Variants in FANCB observed in about 807,000 individuals in gnomAD.
FANCB encodes the protein Fanconi anemia group B protein.
Under a neutral mutation model 38.9 loss-of-function variants are expected in FANCB, and 5 were observed. The observed-to-expected ratio is 0.13, with a 90% CI of 0.07 to 0.27. The LOEUF (loss-of-function observed/expected upper bound fraction) is 0.27, where lower values mean the gene tolerates loss of function less well. Ranked by LOEUF, FANCB falls within the 10% of genes least tolerant of loss-of-function variation. The pLI, the probability that FANCB is intolerant of heterozygous loss-of-function variation, is 1.00. For synonymous variants in FANCB, 236 were observed against 215.4 expected (o/e 1.10, Z -0.84); for missense variants, 573 against 602.7 (o/e 0.95, Z 0.52).
chrX:14,831,044 C>T (rs2092326424), downstream of FANCB, among the ~76,000 whole-genome samples: 1 of 112,109 alleles, frequency 8.9e-6, no homozygotes, highest in African/African-American at 3.2e-5. Context: ...TTTAAAATGA[C>T]ACTTGCCAAT....
chrX:14,746,223 TG>T, the FANCB span, among the ~76,000 whole-genome samples: 2 of 112,137 alleles, frequency 1.8e-5, no homozygotes, highest in East Asian at 5.6e-4. Context: ...TTCAAATGAT[TG>T]AATCTTGTCA....
At chrX:14,733,586 C>G in the FANCB span, among the ~76,000 whole-genome samples, 8 of 111,853 alleles carry the variant, frequency 7.2e-5, no homozygotes, top group African/African-American at 2.6e-4. Flanking sequence ...CTTCACATCC[C>G]TTGTAAGTTG....
chrX:14,863,307 G>A (rs1391042859), intron 3 of FANCB, among the ~76,000 whole-genome samples: 4 of 112,383 alleles, frequency 3.6e-5, no homozygotes, highest in African/African-American at 9.7e-5. Flanking sequence ...CTAATTAAAT[G>A]GATAGGGCAC....
chrX:14,850,731 TAAAAA>T, intron 6 of FANCB, 57 bp from the exon 7 acceptor site: 1 of 581,934 alleles, frequency 1.7e-6, no homozygotes, highest in East Asian at 4.0e-5. Flanking sequence ...GTAGCAAAAC[TAAAAA>T]AAAAAAAAAG....
In FANCB at chrX:14,859,269, T is replaced by C; in HGVS notation, c.1017A>G (p.Glu339=). ...LIDDFIGSGT[E]QVLLLFKDSL... ...AGTCCTTAAAAAGTAGGAGTACTTG[T>C]TCAGTTCCACTTCCAATAAAGTCAT... The change falls in exon 4 of 10, where the codon GAA becomes GAG. Residue 339 remains glutamate, a synonymous_variant. Transcript: ENST00000650831. 8.5e-7 allele frequency: 1 copy of C among 1,180,052 alleles called. No individual in the cohort carries two copies. The highest frequency in any genetic ancestry group is 1.2e-6 in the Non-Finnish European group (1 of 866,945).
At chrX:14,834,070 C>T (rs2092334664), downstream of FANCB, among the ~76,000 whole-genome samples, 1 of 111,764 alleles carries the variant, frequency 8.9e-6, no homozygotes, top group Non-Finnish European at 1.9e-5. Flanking sequence ...AGGCAAAACC[C>T]CCCTAAACCA....
chrX:14,730,519 C>G, the FANCB span: 1 of 988,601 alleles, frequency 1.0e-6, no homozygotes, highest in Non-Finnish European at 1.4e-6. Flanking sequence ...CTTCTTGCCT[C>G]AGTGTTGTGC....
At chrX:14,841,561 T>C (rs2092355057), downstream of FANCB, among the ~76,000 whole-genome samples, 1 of 112,056 alleles carries the variant, frequency 8.9e-6, no homozygotes, top group Admixed American at 9.4e-5. Context: ...GGGTCTACAG[T>C]TTTTGAAATA....
At chrX:14,705,788 G>C in the FANCB span, among the ~76,000 whole-genome samples, 1 of 111,749 alleles carries the variant, frequency 8.9e-6, no homozygotes, top group African/African-American at 3.3e-5. Flanking sequence ...TAATGAACAG[G>C]GGCATGAATT....
At chrX:14,805,854 C>T in the FANCB span, among the ~76,000 whole-genome samples, 1 of 111,925 alleles carries the variant, frequency 8.9e-6, no homozygotes, top group Non-Finnish European at 1.9e-5. Context: ...CACTGCAGCT[C>T]AACAACATTC....
the FANCB span, among the ~76,000 whole-genome samples, chrX:14,770,056 T>G: frequency 2.7e-5 from 3 of 112,482 alleles, no homozygotes; most frequent in South Asian, 7.3e-4. Flanking sequence ...GTTTTACTTC[T>G]GATTATGTGA....
downstream of FANCB, among the ~76,000 whole-genome samples, chrX:14,833,805 T>A (rs1398190462): frequency 2.3e-4 from 25 of 109,664 alleles, no homozygotes; most frequent in Admixed American, 2.3e-3. Flanking sequence ...TAAAAAAAAA[T>A]AAAAATAAAA....
intron 1 of FANCB, 94 bp downstream of exon 1, chrX:14,872,892 C>G (rs1484960037): frequency 8.8e-6 from 1 of 114,156 alleles, no homozygotes; most frequent in East Asian, 2.8e-4. Flanking sequence ...TTCCTTCCCT[C>G]TCTCCCGCAA....
intron 4 of FANCB, 108 bp downstream of exon 4, chrX:14,859,073 AT>A: frequency 2.1e-6 from 1 of 483,871 alleles, no homozygotes; most frequent in Non-Finnish European, 3.5e-6. Flanking sequence ...AAAGTTCAAA[AT>A]TTTAAGTATA....
At chrX:14,690,943 A>G in the FANCB span, 2 of 993,003 alleles carry the variant, frequency 2.0e-6, no homozygotes, top group South Asian at 2.1e-5. Context: ...AGAGCACACA[A>G]TAAGCAAGAA....
At chrX:14,790,617 G>T in the FANCB span, among the ~76,000 whole-genome samples, 1 of 112,113 alleles carries the variant, frequency 8.9e-6, no homozygotes, top group South Asian at 3.7e-4. Context: ...CTACTATCAT[G>T]TTGAGATGCA....
At chrX:14,804,743 AC>A in the FANCB span, among the ~76,000 whole-genome samples, 3 of 112,539 alleles carry the variant, frequency 2.7e-5, no homozygotes, top group African/African-American at 6.5e-5. Flanking sequence ...CTTGTTTTCT[AC>A]CCATAGCAGA....
At chrX:14,841,148 T>C (rs148901640), downstream of FANCB, among the ~76,000 whole-genome samples, 1,575 of 112,376 alleles carry the variant, frequency 0.014, 25 homozygotes, top group African/African-American at 0.041. Context: ...TATGTATCAG[T>C]ATTCTTTCCA....
the FANCB span, among the ~76,000 whole-genome samples, chrX:14,716,067 C>T: frequency 1.8e-5 from 2 of 111,347 alleles, no homozygotes; most frequent in South Asian, 7.6e-4. Context: ...TATGCATACT[C>T]ACGAAGCTGA....
Sources: gnomAD v4.1 joint callset for allele counts (sites outside exome capture counted in the v4.1 genomes callset) on GRCh38, gnomAD v4.1.1 for gene constraint, MANE v1.5 for transcripts, NCBI Gene and HGNC (gene_info 2026-07-23, HGNC 2026-07-21) for gene names.